CELF2: variants seen among roughly 807,000 people sequenced by gnomAD.
CELF2 encodes CUGBP Elav-like family member 2.
Under a neutral mutation model 62.6 loss-of-function variants are expected in CELF2, and 8 were observed. The ratio of observed to expected loss-of-function variants is 0.13; its 90% CI spans 0.07 to 0.23. The LOEUF is 0.23. Among genes scored for constraint, CELF2 ranks in the 10% least tolerant of loss-of-function variants. CELF2 has a pLI of 1.00. For synonymous variants in CELF2, 258 were observed against 250.0 expected (o/e 1.03, Z -0.30); for missense variants, 333 against 671.0 (o/e 0.50, Z 5.56).
At chr10:11,234,025 T>G (rs1370254517) in intron 3 of CELF2, among the ~76,000 whole-genome samples, 1 of 152,200 alleles carries the variant, frequency 6.6e-6, no homozygotes, top group African/African-American at 2.4e-5. Flanking sequence ...AGATCCACGC[T>G]CTATACTGTG....
chr10:11,181,059 G>A (rs910020214), intron 2 of CELF2, among the ~76,000 whole-genome samples: 4 of 152,126 alleles, frequency 2.6e-5, no homozygotes, highest in African/African-American at 9.7e-5. Context: ...TAGTAGAGGT[G>A]GGGTTTTGCC....
chr10:10,879,269 C>T (rs1434623916), intron 1 of CELF2, among the ~76,000 whole-genome samples: 2 of 152,206 alleles, frequency 1.3e-5, no homozygotes, highest in African/African-American at 4.8e-5. Flanking sequence ...TCCCTGGCTG[C>T]TCCTGTGTCT....
chr10:11,329,380 C>T lies in CELF2; in HGVS notation c.*327C>T, dbSNP rs531406308. ...GCTTTTTTTTAAAGAGAAGCATATA[C>T]ACAAATAAATGGCATCTTGAGAATT... On this transcript the variant is annotated 3_prime_UTR_variant, in exon 13 of 13. Coordinates refer to ENST00000633077, the MANE Select transcript of CELF2 (RefSeq NM_001326342.2). The surrounding 1 kb of genome is among the most constrained non-coding windows in gnomAD (Gnocchi z 5.5). The T allele has an allele frequency of 6.1e-6, 1 of 162,830 alleles. No individual in the cohort carries two copies. The highest frequency in any genetic ancestry group is 2.4e-5 in the African/African-American group (1 of 41,742). 10.1% of individuals were successfully genotyped at this position (162,830 alleles called of 1,614,324 possible).
In CELF2 at chr10:11,280,283, G is replaced by C. The variant is rs1218742732; in HGVS notation, c.841+5163G>C. The stretch of plus-strand genomic sequence containing the variant: ...AGGGGAGTTGCAGGAGAGGCCCCGC[G>C]CCCCATCCAGGAGCAGGCCTGCGCC... On this transcript the variant is annotated intron_variant, in intron 8 of 12. Coordinates refer to ENST00000633077, the MANE Select transcript of CELF2 (RefSeq NM_001326342.2). This position sits in a 1 kb window ranked among gnomAD's most constrained non-coding sequence, Gnocchi z 7.6. Among the ~76,000 whole-genome samples the C allele has an allele frequency of 6.6e-6, 1 of 152,120 alleles. No homozygotes were observed. The highest frequency in any genetic ancestry group is 2.4e-5 in the African/African-American group (1 of 41,382).
chr10:11,174,665 T>C (rs1439214181), intron 2 of CELF2, among the ~76,000 whole-genome samples: 1 of 152,268 alleles, frequency 6.6e-6, no homozygotes, highest in East Asian at 1.9e-4. Context: ...TTATAAAATA[T>C]GTTGGGCTTT....
the CELF2 span, among the ~76,000 whole-genome samples, chr10:10,579,991 C>T: frequency 6.6e-6 from 1 of 152,004 alleles, no homozygotes; most frequent in African/African-American, 2.4e-5. Context: ...GAGATCTGGA[C>T]TGATGTGGAA....
the CELF2 span, among the ~76,000 whole-genome samples, chr10:10,708,835 C>T: frequency 6.6e-6 from 1 of 152,062 alleles, no homozygotes; most frequent in Non-Finnish European, 1.5e-5. Flanking sequence ...TTGTTATTCA[C>T]CTTGACCCCT....
At chr10:10,988,229 A>T (rs1032052380) in intron 2 of CELF2, among the ~76,000 whole-genome samples, 2 of 151,870 alleles carry the variant, frequency 1.3e-5, no homozygotes, top group Admixed American at 1.3e-4. Context: ...AGAAAATGTG[A>T]CATATATAGA....
the CELF2 span, among the ~76,000 whole-genome samples, chr10:10,585,708 C>G: frequency 6.6e-6 from 1 of 152,176 alleles, no homozygotes; most frequent in Non-Finnish European, 1.5e-5. Context: ...TCTCTCTCTT[C>G]ACTGTTTGAT....
At chr10:10,741,634 A>G in the CELF2 span, among the ~76,000 whole-genome samples, 1 of 152,028 alleles carries the variant, frequency 6.6e-6, no homozygotes, top group African/African-American at 2.4e-5. Context: ...CAAGAATGGC[A>G]TAGAAAGGAT....
intron 2 of CELF2, among the ~76,000 whole-genome samples, chr10:11,188,699 T>A (rs879721946): frequency 6.6e-6 from 1 of 152,244 alleles, no homozygotes; most frequent in Non-Finnish European, 1.5e-5. Flanking sequence ...TGGAAAACTT[T>A]CATCCCTTTC....
At chr10:11,048,801 G>A (rs2063330850) in intron 1 of CELF2, among the ~76,000 whole-genome samples, 1 of 152,200 alleles carries the variant, frequency 6.6e-6, no homozygotes, top group Non-Finnish European at 1.5e-5. Flanking sequence ...GTAGGTGTAT[G>A]AATTAGTTGG....
chr10:10,882,338 T>A (rs1050733716), intron 1 of CELF2, among the ~76,000 whole-genome samples: 26 of 152,212 alleles, frequency 1.7e-4, no homozygotes, highest in African/African-American at 6.0e-4. Flanking sequence ...TGGCTGAAAT[T>A]GCCATCCAAG....
Position 11,011,544 on chromosome 10 carries a change from C to T in CELF2, c.53+6104C>T, listed in dbSNP as rs1036662736. 6.6e-6 allele frequency among the ~76,000 whole-genome samples: 1 copy of T among 151,958 alleles called. No individual in the cohort carries two copies. The highest frequency in any genetic ancestry group is 1.5e-5 in the Non-Finnish European group (1 of 68,008). On this transcript the variant is annotated intron_variant, in intron 1 of 12. Coordinates refer to the CELF2 transcript ENST00000416382. This position sits in a 1 kb window ranked among gnomAD's most constrained non-coding sequence, Gnocchi z 4.6. ...GACCCTAATGTCATTTACATCTCTC[C>T]TCTTCTCTTACCTGCCCTATTCCTA...
chr10:10,495,996 G>A, the CELF2 span, among the ~76,000 whole-genome samples: 1 of 152,180 alleles, frequency 6.6e-6, no homozygotes. Flanking sequence ...GTAAGTAGTA[G>A]CATTTTAGAG....
At chr10:10,544,896 TAAACTC>T in the CELF2 span, among the ~76,000 whole-genome samples, 1 of 152,184 alleles carries the variant, frequency 6.6e-6, no homozygotes, top group African/African-American at 2.4e-5. Flanking sequence ...ATAGGCAAAA[TAAACTC>T]AGTAGTCTTT....
At chr10:10,980,592 G>A (rs1007083449) in intron 2 of CELF2, among the ~76,000 whole-genome samples, 1 of 152,114 alleles carries the variant, frequency 6.6e-6, no homozygotes, top group South Asian at 2.1e-4. Flanking sequence ...AATGGATTCT[G>A]TCTCAGGAGT....
chr10:11,196,020 C>T (rs1002381664), intron 2 of CELF2, among the ~76,000 whole-genome samples: 1 of 132,322 alleles, frequency 7.6e-6, no homozygotes, highest in Non-Finnish European at 1.7e-5. Context: ...TAAAAGAGCA[C>T]CTCAGGCAGG....
At chr10:11,026,722 C>T (rs2059269644) in intron 1 of CELF2, among the ~76,000 whole-genome samples, 1 of 152,166 alleles carries the variant, frequency 6.6e-6, no homozygotes, top group African/African-American at 2.4e-5. Flanking sequence ...CCCGTTTTAT[C>T]CTTTTCCTGA....
Sources: gnomAD v4.1 joint callset for allele counts (sites outside exome capture counted in the v4.1 genomes callset) on GRCh38, gnomAD v4.1.1 for gene constraint, Gnocchi (gnomAD v3.1) non-coding constraint, MANE v1.5 for transcripts, NCBI Gene and HGNC (gene_info 2026-07-23, HGNC 2026-07-21) for gene names.